SMC1B: variants seen among roughly 807,000 people sequenced by gnomAD.
SMC1B encodes the protein structural maintenance of chromosomes 1B.
Under a neutral mutation model 157.9 loss-of-function variants are expected in SMC1B, and 60 were observed. The ratio of observed to expected loss-of-function variants is 0.38; its 90% CI spans 0.31 to 0.47. SMC1B has a LOEUF of 0.47. Among genes scored for constraint, SMC1B ranks in the 20% least tolerant of loss-of-function variants. The pLI is 0.99. For missense variants in SMC1B, 1,165 were observed against 1,426.2 expected (o/e 0.82, Z 2.95); for synonymous variants, 445 against 483.0 (o/e 0.92, Z 1.03).
chr22:45,413,353 G>A lies in SMC1B; in HGVS notation c.109+106C>T, dbSNP rs537208091. On this transcript the variant is annotated intron_variant, in intron 1 of 24. Coordinates refer to ENST00000357450, the MANE Select transcript of SMC1B (RefSeq NM_148674.5). ...CAGGCTCCGGGACTGGAAGGGGAAG[G>A]CCGGCCAGGCGCCCGCGGCAGACGC... 9.3e-5 allele frequency: 80 copies of A among 862,204 alleles called. No individual in the cohort carries two copies. In the South Asian group the frequency reaches 1.3e-3, roughly 14 times the overall value. 53.4% of individuals were successfully genotyped at this position (862,204 alleles called of 1,614,324 possible).
chr22:45,409,642 G>A (rs6006743), intron 1 of SMC1B, among the ~76,000 whole-genome samples: 72,228 of 151,532 alleles, frequency 0.48, 19,626 homozygotes, highest in African/African-American at 0.75. Context: ...ATCCAGGATC[G>A]AGGGCTAGAT....
chr22:45,412,450 C>G (rs1350087912), intron 1 of SMC1B, among the ~76,000 whole-genome samples: 1 of 150,536 alleles, frequency 6.6e-6, no homozygotes, highest in East Asian at 2.0e-4. Flanking sequence ...CCACCCGCCT[C>G]GGCCTCCTAA....
chr22:45,406,049 A>C (rs989174139), intron 4 of SMC1B, among the ~76,000 whole-genome samples: 37 of 152,188 alleles, frequency 2.4e-4, no homozygotes, highest in East Asian at 5.8e-4. Context: ...TTTTACAGGG[A>C]TCATTAAAAT....
At chr22:45,392,872 T>G (rs955872817) in intron 9 of SMC1B, among the ~76,000 whole-genome samples, 1 of 152,174 alleles carries the variant, frequency 6.6e-6, no homozygotes, top group Non-Finnish European at 1.5e-5. Flanking sequence ...GGCTACTTTT[T>G]GCATTTTTAG....
intron 11 of SMC1B, among the ~76,000 whole-genome samples, chr22:45,386,321 C>G (rs528436571): frequency 1.3e-5 from 2 of 152,082 alleles, no homozygotes; most frequent in South Asian, 4.1e-4. Flanking sequence ...TAAATACTCT[C>G]TATTCCACTG....
intron 24 of SMC1B, 23 bp from the exon 25 acceptor site, chr22:45,344,680 A>G: frequency 6.5e-7 from 1 of 1,545,968 alleles, no homozygotes; most frequent in Non-Finnish European, 8.9e-7. Context: ...GAAGACAGTT[A>G]AAAGTTCCCC....
chr22:45,345,655 C>A, intron 23 of SMC1B, 86 bp from the exon 24 acceptor site: 1 of 822,068 alleles, frequency 1.2e-6, no homozygotes, highest in South Asian at 1.4e-5. Flanking sequence ...GTCTCTGAGT[C>A]TGGTCAGTTT....
At chr22:45,390,057 A>C (rs73444368) in intron 9 of SMC1B, among the ~76,000 whole-genome samples, 160 bp from the exon 10 acceptor site, 2,891 of 152,270 alleles carry the variant, frequency 0.019, 105 homozygotes, top group African/African-American at 0.066. Flanking sequence ...CCTAAGTTTC[A>C]TTATGCAATG....
intron 15 of SMC1B, 89 bp downstream of exon 15, chr22:45,369,865 A>G: frequency 1.2e-6 from 1 of 803,470 alleles, no homozygotes; most frequent in Non-Finnish European, 2.0e-6. Context: ...TGATGAAATG[A>G]AACTCAGGCA....
chr22:45,351,558 A>G (rs1366665947), intron 22 of SMC1B, among the ~76,000 whole-genome samples: 2 of 152,182 alleles, frequency 1.3e-5, no homozygotes, highest in Non-Finnish European at 2.9e-5. Context: ...TATTATGCAT[A>G]TATTTTTTGA....
intron 1 of SMC1B, 50 bp from the exon 2 acceptor site, chr22:45,408,948 C>T (rs1321807783): frequency 8.3e-7 from 1 of 1,207,548 alleles, no homozygotes; most frequent in East Asian, 2.6e-5. Context: ...GATAAAAAGC[C>T]CTACCCAGAG....
chr22:45,388,960 C>A (rs1192295924), intron 10 of SMC1B, among the ~76,000 whole-genome samples: 2 of 118,706 alleles, frequency 1.7e-5, no homozygotes, highest in African/African-American at 3.4e-5. Flanking sequence ...GCACTCCAGA[C>A]TGGGCGAAAG....
Position 45,372,735 on chromosome 22 carries a change from CAG to C in SMC1B, c.2059-445_2059-444del, listed in dbSNP as rs1293167468. 4.4e-3 allele frequency among the ~76,000 whole-genome samples: 145 copies of C among 33,250 alleles called. No homozygotes were observed. In the African/African-American group the frequency reaches 0.079, roughly 18 times the overall value. 21.8% of individuals were successfully genotyped at this position (33,250 alleles called of 152,430 possible). On this transcript the variant is annotated intron_variant, in intron 12 of 24. Coordinates refer to ENST00000357450, the MANE Select transcript of SMC1B (RefSeq NM_148674.5). ...CCAGGTCTTTTTTTTTTTTTTGAGA[CAG>C]AGTCTTGCTCTGTCGCCCAGACTGG...
In SMC1B at chr22:45,358,769, C is replaced by T. The variant is rs1371911406; in HGVS notation, c.2889G>A (p.Gln963=). 1 of 1,612,968 alleles carries T rather than the reference C, an allele frequency of 6.2e-7. No individual in the cohort carries two copies. The highest frequency in any genetic ancestry group is 1.7e-5 in the Admixed American group (1 of 59,926). The change falls in exon 19 of 25, where the codon CAG becomes CAA. Residue 963 remains glutamine (Q), a synonymous_variant. Transcript: ENST00000357450. ...CTTTTTCATAGATATCAATTGTTGC[C>T]TGGGTACTTTCTGCTTCAGTTCCCA... ...VEMGTEAEST[Q]ATIDIYEKEE...
intron 1 of SMC1B, among the ~76,000 whole-genome samples, chr22:45,413,131 TGTC>T (rs1270502970): frequency 1.4e-5 from 2 of 146,822 alleles, no homozygotes; most frequent in African/African-American, 5.1e-5. Context: ...TCCCTCAGGG[TGTC>T]GGAGGAGGGT....
intron 1 of SMC1B, among the ~76,000 whole-genome samples, 169 bp downstream of exon 1, chr22:45,413,289 AG>A (rs2087374323): frequency 6.6e-6 from 1 of 152,008 alleles, no homozygotes; most frequent in Non-Finnish European, 1.5e-5. Context: ...GGTGATGGGC[AG>A]GGGCTGGGCC....
chr22:45,383,693 C>G, intron 11 of SMC1B, 80 bp from the exon 12 acceptor site: 3 of 1,267,068 alleles, frequency 2.4e-6, no homozygotes, highest in Non-Finnish European at 3.2e-6. Flanking sequence ...ATTTTTAAAG[C>G]TAAGAATAAA....
In SMC1B at chr22:45,386,668, A is replaced by G. The variant is rs9626152; in HGVS notation, c.1911+199T>C. ...ATAATTTATGATGTTGAGAAATGCT[A>G]TAAGAGTTTTTTTTCTAAATTCAAC... On this transcript the variant is annotated intron_variant, in intron 11 of 24. Coordinates refer to ENST00000357450, the MANE Select transcript of SMC1B (RefSeq NM_148674.5). Among the ~76,000 whole-genome samples the G allele has an allele frequency of 3.8e-3, 585 of 152,352 alleles. 5 individuals carry two copies. The highest frequency in any genetic ancestry group is 0.013 in the African/African-American group (558 of 41,588).
At chr22:45,402,781 G>A (rs1020155332) in intron 4 of SMC1B, among the ~76,000 whole-genome samples, 7 of 152,130 alleles carry the variant, frequency 4.6e-5, no homozygotes, top group African/African-American at 9.7e-5. Flanking sequence ...GTGTTCTTGC[G>A]CTCAGTGGTA....
Sources: gnomAD v4.1 joint callset for allele counts (sites outside exome capture counted in the v4.1 genomes callset) on GRCh38, gnomAD v4.1.1 for gene constraint, MANE v1.5 for transcripts, NCBI Gene and HGNC (gene_info 2026-07-23, HGNC 2026-07-21) for gene names.